Variants in BST1 observed in about 807,000 individuals in gnomAD.
BST1 encodes ADP-ribosyl cyclase/cyclic ADP-ribose hydrolase 2.
BST1 carries 49 observed loss-of-function variants against 40.6 expected under a neutral mutation model. That is an observed-to-expected ratio of 1.21 (90% CI 0.96 to 1.53). The LOEUF (loss-of-function observed/expected upper bound fraction) is 1.53, where lower values mean the gene tolerates loss of function less well. BST1 is among the 40% of genes most tolerant of loss of function. The pLI is 0.00. For missense variants in BST1, 423 were observed against 395.9 expected, an observed-to-expected ratio of 1.07 and a Z score of -0.58; for synonymous variants, 157 against 159.3, an observed-to-expected ratio of 0.99 and a Z score of 0.11.
the BST1 span, among the ~76,000 whole-genome samples, chr4:15,758,651 T>C: frequency 6.6e-6 from 1 of 152,212 alleles, no homozygotes; most frequent in East Asian, 1.9e-4. Context: ...CAAAGAAACT[T>C]CCATATTCCT....
At chr4:15,733,203 T>C (rs1051360499), downstream of BST1, among the ~76,000 whole-genome samples, 1 of 152,236 alleles carries the variant, frequency 6.6e-6, no homozygotes, top group African/African-American at 2.4e-5. Flanking sequence ...AGAGCGCTGA[T>C]TGGTCCATTT....
chr4:15,744,988 A>G, the BST1 span, among the ~76,000 whole-genome samples: 1 of 152,216 alleles, frequency 6.6e-6, no homozygotes, highest in Non-Finnish European at 1.5e-5. Context: ...ATGCTATAAA[A>G]CATGTTTAGC....
chr4:15,748,704 G>C, the BST1 span, among the ~76,000 whole-genome samples: 24 of 152,300 alleles, frequency 1.6e-4, no homozygotes, highest in Non-Finnish European at 3.1e-4. Flanking sequence ...GGGCCATTGA[G>C]GTCTTCTGAC....
At chr4:15,706,281 A>G (rs1444996209) in intron 2 of BST1, among the ~76,000 whole-genome samples, 1 of 152,228 alleles carries the variant, frequency 6.6e-6, no homozygotes, top group Non-Finnish European at 1.5e-5. Flanking sequence ...TGAGGACATC[A>G]GGACATGGCC....
the BST1 span, among the ~76,000 whole-genome samples, chr4:15,747,784 C>T: frequency 0.034 from 5,178 of 152,258 alleles, 348 homozygotes; most frequent in East Asian, 0.33. Flanking sequence ...ATCTTCCTTC[C>T]TCAGTCTCCT....
At chr4:15,708,724 C>CA (rs1332743633) in intron 3 of BST1, among the ~76,000 whole-genome samples, 1 of 151,910 alleles carries the variant, frequency 6.6e-6, no homozygotes, top group Admixed American at 6.6e-5. Context: ...ACTAAAAATA[C>CA]AAAAAAATTA....
chr4:15,710,932 G>C (rs369147896), intron 3 of BST1, among the ~76,000 whole-genome samples: 1 of 152,070 alleles, frequency 6.6e-6, no homozygotes, highest in African/African-American at 2.4e-5. Flanking sequence ...TGGGACTACA[G>C]ATGCGTGCCA....
At chr4:15,753,826 G>T in the BST1 span, among the ~76,000 whole-genome samples, 7 of 152,202 alleles carry the variant, frequency 4.6e-5, no homozygotes, top group Non-Finnish European at 1.0e-4. Context: ...GATGCACCAA[G>T]GCCTCACAGA....
At chr4:15,713,415 A>C (rs545446985) in intron 4 of BST1, among the ~76,000 whole-genome samples, 10 of 151,858 alleles carry the variant, frequency 6.6e-5, no homozygotes, top group African/African-American at 2.2e-4. Context: ...TGAACTCCTG[A>C]CCTCATAATC....
chr4:15,731,088 C>G (rs757130139), intron 8 of BST1: 2 of 471,970 alleles, frequency 4.2e-6, no homozygotes. Context: ...GACTGTTACA[C>G]ACAAGCTCAT....
chr4:15,708,104 G>C (rs1209238394), intron 3 of BST1, among the ~76,000 whole-genome samples: 2 of 152,052 alleles, frequency 1.3e-5, no homozygotes, highest in Non-Finnish European at 2.9e-5. Context: ...GCACAACTCT[G>C]CCTTACTATC....
intron 8 of BST1, among the ~76,000 whole-genome samples, chr4:15,730,132 T>G (rs1490636608): frequency 6.6e-6 from 1 of 152,308 alleles, no homozygotes; most frequent in East Asian, 1.9e-4. Flanking sequence ...AATACAAACC[T>G]GTGGGTCAGA....
At chr4:15,758,786 A>G in the BST1 span, among the ~76,000 whole-genome samples, 1 of 150,342 alleles carries the variant, frequency 6.7e-6, no homozygotes, top group East Asian at 1.9e-4. Context: ...AAGTGAGAAT[A>G]TGCAGTATTA....
downstream of BST1, among the ~76,000 whole-genome samples, chr4:15,733,169 A>T (rs557681917): frequency 2.0e-5 from 3 of 152,232 alleles, no homozygotes; most frequent in Non-Finnish European, 2.9e-5. Context: ...TCCCACCCAC[A>T]TCCTGCTGAT....
intron 8 of BST1, among the ~76,000 whole-genome samples, chr4:15,726,076 C>T (rs977197938): frequency 5.3e-5 from 8 of 150,550 alleles, no homozygotes; most frequent in African/African-American, 2.0e-4. Flanking sequence ...ATCCTCCCAC[C>T]TCAGCCTCCC....
chr4:15,710,310 T>G (rs4257653), intron 3 of BST1, among the ~76,000 whole-genome samples: 108,388 of 151,916 alleles, frequency 0.71, 38,974 homozygotes, highest in East Asian at 0.92. Context: ...ATTTTTGATT[T>G]ACTCAAAAAA....
the BST1 span, among the ~76,000 whole-genome samples, chr4:15,767,827 G>C: frequency 1.3e-5 from 2 of 151,446 alleles, no homozygotes; most frequent in African/African-American, 4.9e-5. Flanking sequence ...CACCATGTTG[G>C]CCAGGCTGGT....
At chr4:15,762,854 T>C in the BST1 span, among the ~76,000 whole-genome samples, 8 of 152,086 alleles carry the variant, frequency 5.3e-5, no homozygotes, top group Non-Finnish European at 5.9e-5. Flanking sequence ...TCCAGGTTCA[T>C]CCAAATTGAC....
In BST1 at chr4:15,732,021, A is replaced by C. The variant is rs935014642; in HGVS notation, c.*176A>C. ...TATGTTCAGGATTTCAGAAACAAGA[A>C]GTTAGTTCTATTTAGCAGGTTAAAA... On this transcript the variant is annotated 3_prime_UTR_variant, in exon 9 of 9. Coordinates refer to ENST00000265016, the MANE Select transcript of BST1 (RefSeq NM_004334.3). The C allele has an allele frequency of 2.6e-5, 35 of 1,322,230 alleles. No homozygotes were observed. Among genetic ancestry groups the C allele is most frequent in the Middle Eastern group, 2.8e-4 (1 of 3,534 alleles). 81.9% of individuals were successfully genotyped at this position (1,322,230 alleles called of 1,614,324 possible).
Sources: gnomAD v4.1 joint callset for allele counts (sites outside exome capture counted in the v4.1 genomes callset) on GRCh38, gnomAD v4.1.1 for gene constraint, MANE v1.5 for transcripts, NCBI Gene and HGNC (gene_info 2026-07-23, HGNC 2026-07-21) for gene names.